The following PAK1 variants were observed in gnomAD, a reference collection of about 807,000 sequenced individuals.
PAK1 encodes the protein serine/threonine-protein kinase PAK 1.
Under a neutral mutation model 67.4 loss-of-function variants are expected in PAK1, and 29 were observed. That is an observed-to-expected ratio of 0.43 (90% CI 0.32 to 0.59). PAK1 has a LOEUF of 0.59. Ranked by LOEUF, PAK1 falls within the 20% of genes least tolerant of loss-of-function variation. PAK1 has a pLI of 0.07. For synonymous variants in PAK1, 223 were observed against 237.4 expected (o/e 0.94, Z 0.56); for missense variants, 337 against 670.7 (o/e 0.50, Z 5.50).
intron 1 of PAK1, among the ~76,000 whole-genome samples, chr11:77,441,900 A>G (rs1164317637): frequency 6.6e-6 from 1 of 152,196 alleles, no homozygotes; most frequent in Non-Finnish European, 1.5e-5. Flanking sequence ...CCCAATAGCA[A>G]AGAAATCTTC....
the PAK1 span, among the ~76,000 whole-genome samples, chr11:77,506,314 C>T: frequency 1.3e-5 from 2 of 152,200 alleles, no homozygotes; most frequent in African/African-American, 4.8e-5. Context: ...GCTGTTATTA[C>T]TCCCATGTTA....
chr11:77,431,580 T>C (rs763326451), intron 1 of PAK1, among the ~76,000 whole-genome samples: 10 of 152,128 alleles, frequency 6.6e-5, no homozygotes, highest in Non-Finnish European at 1.3e-4. Context: ...AAGGCAATCA[T>C]CTCTCTGAGA....
At chr11:77,378,141 T>C (rs531962860) in intron 4 of PAK1, among the ~76,000 whole-genome samples, 1 of 152,302 alleles carries the variant, frequency 6.6e-6, no homozygotes, top group South Asian at 2.1e-4. Context: ...GCAACATGAG[T>C]AAAGAGCCTA....
chr11:77,353,279 C>A, intron 8 of PAK1: 1 of 385,434 alleles, frequency 2.6e-6, no homozygotes, highest in Non-Finnish European at 4.7e-6. Context: ...TGGTTTTGTG[C>A]TAAGAAAAAA....
At chr11:77,349,351 C>G in intron 8 of PAK1, 64 bp from the exon 9 acceptor site, 1 of 1,265,140 alleles carries the variant, frequency 7.9e-7, no homozygotes, top group Non-Finnish European at 1.1e-6. Context: ...TGATATTTGT[C>G]AAATGCAGTT....
At chr11:77,411,635 T>C (rs1482544906) in intron 1 of PAK1, 2 of 152,198 alleles carry the variant, frequency 1.3e-5, no homozygotes, top group Non-Finnish European at 2.9e-5. Context: ...CTTTCTCTCA[T>C]TTAGGGTCCC....
the PAK1 span, among the ~76,000 whole-genome samples, chr11:77,480,054 C>G: frequency 6.6e-6 from 1 of 152,150 alleles, no homozygotes; most frequent in African/African-American, 2.4e-5. Flanking sequence ...AAAGCTGTTC[C>G]TTAATGGTTC....
the PAK1 span, among the ~76,000 whole-genome samples, chr11:77,492,401 T>C: frequency 4.0e-5 from 6 of 151,276 alleles, no homozygotes; most frequent in Non-Finnish European, 7.4e-5. Context: ...CAAACACATA[T>C]GCATAAATCA....
At chr11:77,350,541 C>T (rs1945098471) in intron 8 of PAK1, among the ~76,000 whole-genome samples, 1 of 152,162 alleles carries the variant, frequency 6.6e-6, no homozygotes, top group South Asian at 2.1e-4. Context: ...TAATTTGTAA[C>T]ACATATTTGT....
chr11:77,527,598 C>T, the PAK1 span, among the ~76,000 whole-genome samples: 1 of 152,208 alleles, frequency 6.6e-6, no homozygotes, highest in African/African-American at 2.4e-5. Context: ...TTCAAACTCA[C>T]ACCTTTCTGA....
At chr11:77,464,528 G>C (rs1957504535) in intron 1 of PAK1, among the ~76,000 whole-genome samples, 1 of 152,134 alleles carries the variant, frequency 6.6e-6, no homozygotes, top group Non-Finnish European at 1.5e-5. Flanking sequence ...TTAGTACTAA[G>C]TACAATGCTT....
intron 1 of PAK1, among the ~76,000 whole-genome samples, chr11:77,406,757 G>A (rs1953633037): frequency 6.6e-6 from 1 of 151,858 alleles, no homozygotes; most frequent in South Asian, 2.1e-4. Context: ...CTCCAGGCTG[G>A]GCAACAGACA....
At chr11:77,367,072 AAAG>A (rs1348194135) in intron 5 of PAK1, among the ~76,000 whole-genome samples, 1 of 152,222 alleles carries the variant, frequency 6.6e-6, no homozygotes, top group African/African-American at 2.4e-5. Flanking sequence ...AAGCTAAGTA[AAAG>A]AAGCAAAACA....
At chr11:77,434,070 ACAGT>A (rs1955991916) in intron 1 of PAK1, among the ~76,000 whole-genome samples, 1 of 151,962 alleles carries the variant, frequency 6.6e-6, no homozygotes, top group Admixed American at 6.5e-5. Context: ...CCTTTAGAAA[ACAGT>A]CAGGTAGTTC....
At chr11:77,430,950 T>A (rs2844332) in intron 1 of PAK1, among the ~76,000 whole-genome samples, 37,301 of 152,110 alleles carry the variant, frequency 0.25, 5,665 homozygotes, top group South Asian at 0.46. Flanking sequence ...AGTGGCAGCA[T>A]TAGATTCTGA....
chr11:77,325,701 T>C (rs1290287086), intron 14 of PAK1, among the ~76,000 whole-genome samples: 1 of 152,210 alleles, frequency 6.6e-6, no homozygotes, highest in Non-Finnish European at 1.5e-5. Context: ...TACATTGTAC[T>C]AAGAGACTTT....
chr11:77,408,283 G>A (rs1176963205), intron 1 of PAK1: 2 of 152,060 alleles, frequency 1.3e-5, no homozygotes, highest in Admixed American at 6.6e-5. Context: ...TTTGATAATG[G>A]ATGGATGCAA....
chr11:77,490,431 C>A, the PAK1 span, among the ~76,000 whole-genome samples: 1 of 149,646 alleles, frequency 6.7e-6, no homozygotes, highest in Non-Finnish European at 1.5e-5. Flanking sequence ...CTCTGCCCGG[C>A]CAGCCGCCCC....
At chr11:77,459,817 C>CG (rs1257508380) in intron 1 of PAK1, among the ~76,000 whole-genome samples, 3 of 151,806 alleles carry the variant, frequency 2.0e-5, no homozygotes, top group Non-Finnish European at 4.4e-5. Flanking sequence ...CTGAGCCACC[C>CG]CCGCGAGCAG....
Sources: gnomAD v4.1 joint callset for allele counts (sites outside exome capture counted in the v4.1 genomes callset) on GRCh38, gnomAD v4.1.1 for gene constraint, MANE v1.5 for transcripts, NCBI Gene and HGNC (gene_info 2026-07-23, HGNC 2026-07-21) for gene names.